Variants in CAPSL observed in about 807,000 individuals in gnomAD.
The protein encoded by CAPSL is calcyphosine like, also known as calcyphosin-like protein.
A neutral mutation model predicts 21.3 loss-of-function variants in CAPSL; 17 were observed. The observed-to-expected ratio is 0.80, with a 90% confidence interval of 0.55 to 1.20. The LOEUF is 1.20. Among genes scored for constraint, CAPSL ranks in the 50% most tolerant of loss-of-function variants. CAPSL has a pLI of 0.00. For synonymous variants in CAPSL, 102 were observed against 89.3 expected, an observed-to-expected ratio of 1.14 and a Z score of -0.80; for missense variants, 289 against 259.3, an observed-to-expected ratio of 1.11 and a Z score of -0.79.
At chr5:35,922,682 A>T (rs1169881784) in intron 1 of CAPSL, among the ~76,000 whole-genome samples, 1 of 152,178 alleles carries the variant, frequency 6.6e-6, no homozygotes, top group Non-Finnish European at 1.5e-5. Context: ...GCATGTTCCA[A>T]TTCTCATCCA....
intron 4 of CAPSL, among the ~76,000 whole-genome samples, chr5:35,906,157 C>T (rs778191720): frequency 1.8e-4 from 27 of 152,106 alleles, no homozygotes; most frequent in Non-Finnish European, 2.1e-4. Context: ...ACATTTTTTA[C>T]AGCTAATTAT....
intron 1 of CAPSL, among the ~76,000 whole-genome samples, chr5:35,936,363 C>A (rs1224578930): frequency 1.3e-5 from 2 of 152,104 alleles, no homozygotes; most frequent in Non-Finnish European, 2.9e-5. Flanking sequence ...TCTTTTAGTT[C>A]ATGAATCCGC....
chr5:35,928,678 T>C (rs544635117), intron 1 of CAPSL, among the ~76,000 whole-genome samples: 3 of 152,182 alleles, frequency 2.0e-5, no homozygotes, highest in African/African-American at 7.2e-5. Flanking sequence ...GTTGTTGCAA[T>C]GGAAGTAGGG....
chr5:35,919,549 G>T (rs4024110), intron 2 of CAPSL, among the ~76,000 whole-genome samples: 40,269 of 152,030 alleles, frequency 0.26, 5,588 homozygotes, highest in African/African-American at 0.34. Context: ...GTGCAGGGGG[G>T]ATGATGGCAG....
At chr5:35,921,172 T>C (rs765845508) in intron 1 of CAPSL, 52 bp from the exon 2 acceptor site, 1 of 1,589,820 alleles carries the variant, frequency 6.3e-7, no homozygotes, top group South Asian at 1.1e-5. Flanking sequence ...CCGCTGCCTC[T>C]GGCTGGGCAG....
rs754662737 is a variant in CAPSL at position 35,904,582 on chromosome 5, T to C, written c.590A>G (p.Tyr197Cys). The change falls in exon 5 of 5, where the codon TAC (tyrosine) becomes TGC (cysteine). Residue 197 changes from tyrosine (Y) to cysteine (C), a missense_variant. By Grantham distance (194) the Tyr-to-Cys change is radical. Transcript: ENST00000651391. The part of the protein sequence containing the change: ...GVSASIDTDV[Y>C]FIIMMRTAWK... ...GGCGGTTCTCATCATGATGATGAAGTACACATCAGTGTCAATGGATGCGCT... is the reference window on the plus strand; with the variant it reads ...GGCGGTTCTCATCATGATGATGAAGCACACATCAGTGTCAATGGATGCGCT... 44 of 1,613,850 alleles carry C rather than the reference T, an allele frequency of 2.7e-5. 1 individual carries two copies. The South Asian group carries it at 4.7e-4, about 17-fold the overall frequency.
intron 1 of CAPSL, among the ~76,000 whole-genome samples, chr5:35,936,474 C>T (rs1738950282): frequency 6.6e-6 from 1 of 152,200 alleles, no homozygotes; most frequent in East Asian, 1.9e-4. Context: ...CCCATTCATA[C>T]TTCGGTCCAT....
At chr5:35,921,864 A>G (rs894579780) in intron 1 of CAPSL, among the ~76,000 whole-genome samples, 34 of 147,542 alleles carry the variant, frequency 2.3e-4, no homozygotes, top group African/African-American at 8.5e-4. Context: ...CCTGTGAGTG[A>G]ATCTCACAGC....
At chr5:35,910,627 A>G in intron 2 of CAPSL, 84 bp from the exon 3 acceptor site, 1 of 1,035,454 alleles carries the variant, frequency 9.7e-7, no homozygotes, top group Non-Finnish European at 1.4e-6. Flanking sequence ...TCCACACTCA[A>G]GGTTTCGTCA....
intron 2 of CAPSL, among the ~76,000 whole-genome samples, chr5:35,911,817 T>C: frequency 6.6e-6 from 1 of 152,136 alleles, no homozygotes; most frequent in East Asian, 1.9e-4. Flanking sequence ...AGACAGGTGA[T>C]TTCTGCATTT....
chr5:35,913,457 G>A lies in CAPSL; in HGVS notation c.138-2914C>T, dbSNP rs534525970. On this transcript the variant is annotated intron_variant, in intron 2 of 4. Coordinates refer to ENST00000651391, the MANE Select transcript of CAPSL (RefSeq NM_001042625.2). ...AAAAAATGTTAAGGGCAGCCACAGAGAAAGGTCAGGTTACCCACAAAGGGA... is the reference window on the plus strand; with the variant it reads ...AAAAAATGTTAAGGGCAGCCACAGAAAAAGGTCAGGTTACCCACAAAGGGA... Among the ~76,000 whole-genome samples the A allele has an allele frequency of 2.2e-4, 33 of 152,302 alleles. No homozygotes were observed. In the South Asian group the frequency reaches 5.2e-3, roughly 24 times the overall value.
chr5:35,914,566 C>T (rs1445366178), intron 2 of CAPSL, among the ~76,000 whole-genome samples: 3 of 152,134 alleles, frequency 2.0e-5, no homozygotes, highest in South Asian at 4.2e-4. Context: ...CACTCAAAAC[C>T]TCTCAACTAC....
chr5:35,925,933 G>A (rs1738663655), intron 1 of CAPSL, among the ~76,000 whole-genome samples: 1 of 151,952 alleles, frequency 6.6e-6, no homozygotes, highest in Admixed American at 6.6e-5. Context: ...AAAATTAGCC[G>A]GTCATGATGG....
intron 2 of CAPSL, among the ~76,000 whole-genome samples, chr5:35,911,906 G>A (rs111330883): frequency 0.022 from 3,339 of 152,240 alleles, 121 homozygotes; most frequent in African/African-American, 0.076. Context: ...CTGAAGCAGG[G>A]CAAGGCATCG....
At chr5:35,937,662 A>G (rs1245758414) in intron 1 of CAPSL, among the ~76,000 whole-genome samples, 1 of 152,222 alleles carries the variant, frequency 6.6e-6, no homozygotes, top group Non-Finnish European at 1.5e-5. Context: ...CCATATCATC[A>G]GGGCTTAGCA....
At chr5:35,911,057 C>A (rs1580881036) in intron 2 of CAPSL, among the ~76,000 whole-genome samples, 1 of 152,084 alleles carries the variant, frequency 6.6e-6, no homozygotes, top group South Asian at 2.1e-4. Flanking sequence ...ACAATTAAAC[C>A]AATAAAACTA....
intron 2 of CAPSL, among the ~76,000 whole-genome samples, chr5:35,920,147 G>A (rs1236506937): frequency 6.6e-6 from 1 of 152,134 alleles, no homozygotes; most frequent in African/African-American, 2.4e-5. Flanking sequence ...CAGGCACTCA[G>A]TACCTTGCTG....
intron 1 of CAPSL, among the ~76,000 whole-genome samples, chr5:35,924,329 C>T (rs1050450509): frequency 6.6e-6 from 1 of 152,176 alleles, no homozygotes; most frequent in Non-Finnish European, 1.5e-5. Flanking sequence ...CCAAAACAGA[C>T]GGCTTCTGAT....
intron 1 of CAPSL, among the ~76,000 whole-genome samples, chr5:35,933,929 C>G (rs1206312806): frequency 6.6e-6 from 1 of 152,184 alleles, no homozygotes; most frequent in Non-Finnish European, 1.5e-5. Flanking sequence ...GGGAGACAAT[C>G]TGCTCTAAAG....
Sources: allele counts gnomAD v4.1 joint callset (sites outside exome capture counted in the v4.1 genomes callset), GRCh38; gene constraint gnomAD v4.1.1; transcripts MANE v1.5; gene names NCBI Gene and HGNC (gene_info 2026-07-23, HGNC 2026-07-21).